CHSY3: variants seen among roughly 807,000 people sequenced by gnomAD.
CHSY3 encodes the protein chondroitin sulfate synthase 3, also known as N-acetylgalactosaminyl-proteoglycan 3-beta-glucuronosyltransferase 3.
A neutral mutation model predicts 67.2 loss-of-function variants in CHSY3; 35 were observed. The ratio of observed to expected loss-of-function variants is 0.52; its 90% confidence interval spans 0.40 to 0.69. CHSY3 has a LOEUF of 0.69. Among genes scored for constraint, CHSY3 ranks in the 30% least tolerant of loss-of-function variants. CHSY3 has a pLI of 0.00. For missense variants in CHSY3, 1,069 were observed against 1,138.5 expected, an observed-to-expected ratio of 0.94 and a Z score of 0.88; for synonymous variants, 474 against 434.7, an observed-to-expected ratio of 1.09 and a Z score of -1.12.
intron 2 of CHSY3, among the ~76,000 whole-genome samples, chr5:129,972,891 A>G (rs1488794097): frequency 1.3e-5 from 2 of 151,846 alleles, no homozygotes; most frequent in South Asian, 2.1e-4. Context: ...TCATAGGCCT[A>G]TCTTGCCTCC....
chr5:129,986,910 T>C (rs1043920466), intron 2 of CHSY3, among the ~76,000 whole-genome samples: 2 of 152,210 alleles, frequency 1.3e-5, no homozygotes, highest in African/African-American at 4.8e-5. Flanking sequence ...CCCAAAGTAC[T>C]GGGATTATAG....
chr5:129,953,085 C>T (rs980638596), intron 2 of CHSY3, among the ~76,000 whole-genome samples: 2 of 152,084 alleles, frequency 1.3e-5, no homozygotes, highest in Non-Finnish European at 2.9e-5. Flanking sequence ...CACCCATCAA[C>T]CCGTCATCTA....
At position 130,150,230 on chromosome 5, in the gene CHSY3, A is replaced by T. The variant is rs149274192; in HGVS notation, c.1087-33999A>T. 1.5e-3 allele frequency among the ~76,000 whole-genome samples: 230 copies of T among 152,256 alleles called. 2 individuals are homozygous for T. Among genetic ancestry groups the T allele is most frequent in the African/African-American group, 5.2e-3 (217 of 41,560 alleles). Reference sequence around the variant, plus strand: ...CACTGTATTCCAATAACGGGGAAAAATAAATAGCAAAGTTTTAGGTCTAAC... The same window carrying T: ...CACTGTATTCCAATAACGGGGAAAATTAAATAGCAAAGTTTTAGGTCTAAC... On this transcript the variant is annotated intron_variant, in intron 2 of 2. Transcript: ENST00000305031.
intron 2 of CHSY3, among the ~76,000 whole-genome samples, chr5:129,935,369 C>T (rs571827760): frequency 4.6e-5 from 7 of 152,216 alleles, no homozygotes; most frequent in Admixed American, 2.6e-4. Context: ...AAATTAGAGT[C>T]GCTACAGGGC....
At chr5:130,118,687 C>A (rs538806563) in intron 2 of CHSY3, among the ~76,000 whole-genome samples, 2 of 152,066 alleles carry the variant, frequency 1.3e-5, no homozygotes, top group African/African-American at 4.8e-5. Flanking sequence ...CCACATGTAA[C>A]CTTAAAATGA....
At chr5:130,075,475 A>G (rs1181613416) in intron 2 of CHSY3, among the ~76,000 whole-genome samples, 1 of 152,110 alleles carries the variant, frequency 6.6e-6, no homozygotes, top group East Asian at 1.9e-4. Context: ...ATTTTTATTT[A>G]GGTTTTATGG....
intron 2 of CHSY3, among the ~76,000 whole-genome samples, chr5:130,058,865 A>G (rs1364536850): frequency 6.6e-6 from 1 of 152,186 alleles, no homozygotes; most frequent in African/African-American, 2.4e-5. Flanking sequence ...CGTTTTCATC[A>G]TTCTGGCTGT....
chr5:129,972,897 C>A (rs1319606390), intron 2 of CHSY3, among the ~76,000 whole-genome samples: 1 of 151,922 alleles, frequency 6.6e-6, no homozygotes, highest in Non-Finnish European at 1.5e-5. Flanking sequence ...GCCTATCTTG[C>A]CTCCTCTGCT....
chr5:130,115,337 A>G (rs1446099341), intron 2 of CHSY3, among the ~76,000 whole-genome samples: 2 of 152,132 alleles, frequency 1.3e-5, no homozygotes, highest in African/African-American at 4.8e-5. Context: ...TAATTGTAAT[A>G]TTAGACCTGA....
Position 130,185,273 on chromosome 5 carries a change from G to A in CHSY3, c.2131G>A (p.Asp711Asn). ...LEMASAQFDN[D>N]TLLLFCDVDL... is the part of the protein sequence containing the mutation. ...AATGGCTTCTGCCCAGTTTGACAAT[G>A]ACACTTTGCTGCTATTTTGTGATGT... The change falls in exon 3 of 3, where the codon GAC becomes AAC. Residue 711 changes from aspartate to asparagine, a missense_variant. Asp to Asn is a conservative substitution (Grantham distance 23). Transcript: ENST00000305031. 1.2e-6 allele frequency: 2 copies of A among 1,609,902 alleles called. No individual in the cohort carries two copies. The highest frequency in any genetic ancestry group is 1.7e-6 in the Non-Finnish European group (2 of 1,176,260).
chr5:130,073,729 T>G (rs2149682975), intron 2 of CHSY3, among the ~76,000 whole-genome samples: 1 of 152,278 alleles, frequency 6.6e-6, no homozygotes, highest in East Asian at 1.9e-4. Context: ...TTGGCTAAAC[T>G]TTATTGAAAT....
chr5:130,178,247 A>ATTTTTTTTTTTT (rs1356162457), intron 2 of CHSY3, among the ~76,000 whole-genome samples: 1 of 69,262 alleles, frequency 1.4e-5, no homozygotes, highest in Admixed American at 1.7e-4. Flanking sequence ...ATATATATAT[A>ATTTTTTTTTTTT]TATATATTTT....
In CHSY3 at chr5:130,056,661, C is replaced by T. The variant is rs79116421; in HGVS notation, c.1087-127568C>T. Among the ~76,000 whole-genome samples, 671 of 152,248 alleles carry T rather than the reference C, an allele frequency of 4.4e-3. 7 individuals carry two copies. The highest frequency in any genetic ancestry group is 0.015 in the African/African-American group (605 of 41,540). ...AAGTAAATGTCATTTTTATTTATAG[C>T]ATGCAGTGCACAGAGTAGTGTAGCT... is the stretch of plus-strand genomic sequence containing the variant. On this transcript the variant is annotated intron_variant, in intron 2 of 2. Coordinates refer to ENST00000305031, the MANE Select transcript of CHSY3 (RefSeq NM_175856.5).
At chr5:129,914,774 A>G (rs1316662189) in intron 2 of CHSY3, among the ~76,000 whole-genome samples, 2 of 152,236 alleles carry the variant, frequency 1.3e-5, no homozygotes, top group Non-Finnish European at 2.9e-5. Flanking sequence ...GTTCATTTTT[A>G]TCACTAACTG....
chr5:129,972,896 G>A (rs553787095), intron 2 of CHSY3, among the ~76,000 whole-genome samples: 2 of 151,906 alleles, frequency 1.3e-5, no homozygotes, highest in African/African-American at 4.8e-5. Context: ...GGCCTATCTT[G>A]CCTCCTCTGC....
chr5:130,131,189 A>G (rs574978726), intron 2 of CHSY3, among the ~76,000 whole-genome samples: 177 of 152,292 alleles, frequency 1.2e-3, no homozygotes, highest in African/African-American at 4.0e-3. Flanking sequence ...GAAATCATTG[A>G]ATGAGTCAAG....
chr5:130,129,817 C>T (rs1768421897), intron 2 of CHSY3, among the ~76,000 whole-genome samples: 1 of 152,014 alleles, frequency 6.6e-6, no homozygotes, highest in African/African-American at 2.4e-5. Context: ...AACCACATTG[C>T]CTGAGTGACC....
intron 2 of CHSY3, among the ~76,000 whole-genome samples, chr5:130,021,784 T>C (rs1467519865): frequency 6.6e-6 from 1 of 152,118 alleles, no homozygotes; most frequent in East Asian, 1.9e-4. Flanking sequence ...GAGGAGCAAA[T>C]ATGTGATATT....
intron 2 of CHSY3, among the ~76,000 whole-genome samples, chr5:129,932,140 A>ATATGTATG (rs1554070946): frequency 5.1e-4 from 70 of 136,360 alleles, no homozygotes; most frequent in African/African-American, 2.0e-3. Flanking sequence ...ATATATATAT[A>ATATGTATG]TATGTATATG....
Sources: allele counts gnomAD v4.1 joint callset (sites outside exome capture counted in the v4.1 genomes callset), GRCh38; gene constraint gnomAD v4.1.1; transcripts MANE v1.5; gene names NCBI Gene and HGNC (gene_info 2026-07-23, HGNC 2026-07-21).